DLEU7: variants seen among roughly 807,000 people sequenced by gnomAD.
DLEU7 encodes the protein deleted in lymphocytic leukemia 7, also known as leukemia-associated protein 7.
DLEU7 carries 17 observed loss-of-function variants against 16.0 expected under a neutral mutation model. That is an observed-to-expected ratio of 1.06 (90% CI 0.73 to 1.59). The LOEUF (loss-of-function observed/expected upper bound fraction) is 1.59. DLEU7 is among the 40% of genes most tolerant of loss of function. DLEU7 has a pLI of 0.00. For missense variants in DLEU7, 308 were observed against 314.9 expected (o/e 0.98, Z 0.17); for synonymous variants, 113 against 139.8 (o/e 0.81, Z 1.35).
At chr13:50,816,993 A>C (rs1876754701) in intron 1 of DLEU7, among the ~76,000 whole-genome samples, 1 of 151,808 alleles carries the variant, frequency 6.6e-6, no homozygotes, top group Non-Finnish European at 1.5e-5. Context: ...TCTTTGCAGA[A>C]CCTCCTCTCT....
At chr13:50,743,046 G>A (rs1416940226) in intron 1 of DLEU7, among the ~76,000 whole-genome samples, 1 of 152,152 alleles carries the variant, frequency 6.6e-6, no homozygotes, top group East Asian at 1.9e-4. Flanking sequence ...TATGTATTGA[G>A]TGATCAGTGC....
intron 1 of DLEU7, among the ~76,000 whole-genome samples, chr13:50,745,063 C>T (rs1437704959): frequency 6.6e-6 from 1 of 152,156 alleles, no homozygotes; most frequent in Non-Finnish European, 1.5e-5. Context: ...AATTTCACTC[C>T]TAGGTGTATA....
intron 1 of DLEU7, among the ~76,000 whole-genome samples, chr13:50,736,537 C>T (rs568525287): frequency 2.6e-5 from 4 of 152,078 alleles, no homozygotes; most frequent in East Asian, 1.9e-4. Context: ...TATTTAAATT[C>T]GTGAAATGTA....
At chr13:50,789,129 G>T (rs1261689157) in intron 1 of DLEU7, among the ~76,000 whole-genome samples, 1 of 151,900 alleles carries the variant, frequency 6.6e-6, no homozygotes, top group African/African-American at 2.4e-5. Flanking sequence ...AACATTGCTA[G>T]AGGGTGCTCA....
At chr13:50,770,530 CAT>C (rs1491383437) in intron 1 of DLEU7, among the ~76,000 whole-genome samples, 3 of 152,150 alleles carry the variant, frequency 2.0e-5, no homozygotes, top group Non-Finnish European at 4.4e-5. Context: ...TTGAGATAAT[CAT>C]GTGGTTTTTG....
At chr13:50,711,426 A>G (rs2137697078), downstream of DLEU7, 1 of 152,338 alleles carries the variant, frequency 6.6e-6, no homozygotes, top group East Asian at 1.9e-4. Context: ...AGATCTACAA[A>G]GGACAGATTT....
chr13:50,783,362 C>A lies in DLEU7; in HGVS notation c.459+59826G>T, dbSNP rs534941497. On this transcript the variant is annotated intron_variant, in intron 1 of 1. Coordinates refer to the DLEU7 transcript ENST00000400393. ...TCCTGGCCTATCATTCAAAGTACCC[C>A]AATAGCTTGATTCTAATCTATATTT... Among the ~76,000 whole-genome samples the A allele has an allele frequency of 1.8e-3, 279 of 152,302 alleles. 1 individual carries two copies. The highest frequency in any genetic ancestry group is 2.2e-3 in the Non-Finnish European group (149 of 68,030).
At chr13:50,804,932 AT>A (rs934433337) in intron 1 of DLEU7, among the ~76,000 whole-genome samples, 90 of 151,870 alleles carry the variant, frequency 5.9e-4, no homozygotes, top group African/African-American at 2.0e-3. Context: ...TTGTTCTAAT[AT>A]TTTTTTTCAG....
chr13:50,829,170 CA>C (rs1160824018), intron 1 of DLEU7, among the ~76,000 whole-genome samples: 3 of 151,980 alleles, frequency 2.0e-5, no homozygotes, highest in Non-Finnish European at 4.4e-5. Flanking sequence ...CCAGGGAAGC[CA>C]AAAAATTGGA....
chr13:50,759,132 G>A (rs1167649400), intron 1 of DLEU7, among the ~76,000 whole-genome samples: 1 of 152,132 alleles, frequency 6.6e-6, no homozygotes, highest in Non-Finnish European at 1.5e-5. Context: ...CTTAGACAGG[G>A]GTTGATTTAT....
chr13:50,752,303 G>A lies in DLEU7; in HGVS notation c.460-39063C>T, dbSNP rs140097821. ...CCTGACCTCGTGATCCACCCATCTC[G>A]GCCTCCCAAAGTGCTGGGATTTCAG... On this transcript the variant is annotated intron_variant, in intron 1 of 1. Coordinates refer to the DLEU7 transcript ENST00000400393. Among the ~76,000 whole-genome samples, 253 of 152,082 alleles carry A rather than the reference G, an allele frequency of 1.7e-3. 2 individuals are homozygous for A. The highest frequency in any genetic ancestry group is 1.8e-3 in the Non-Finnish European group (124 of 67,974).
At chr13:50,764,961 C>A (rs1239694668) in intron 1 of DLEU7, among the ~76,000 whole-genome samples, 2 of 152,164 alleles carry the variant, frequency 1.3e-5, no homozygotes, top group Non-Finnish European at 2.9e-5. Flanking sequence ...CGGCTCACTG[C>A]AACTTCTGCA....
intron 1 of DLEU7, among the ~76,000 whole-genome samples, chr13:50,774,891 T>G (rs9596360): frequency 0.01 from 1,579 of 152,278 alleles, 27 homozygotes; most frequent in African/African-American, 0.035. Context: ...GGAAATGAAT[T>G]TTTTAAAGAT....
intron 1 of DLEU7, chr13:50,840,017 C>G (rs1166227594): frequency 6.6e-6 from 1 of 152,154 alleles, no homozygotes; most frequent in Non-Finnish European, 1.5e-5. Flanking sequence ...GCTATGCTCT[C>G]TCCACTGCAG....
intron 1 of DLEU7, among the ~76,000 whole-genome samples, chr13:50,748,773 A>G (rs890535178): frequency 1.3e-5 from 2 of 152,150 alleles, no homozygotes; most frequent in Non-Finnish European, 2.9e-5. Context: ...AAGAAAAAGA[A>G]GAGAGAATTG....
chr13:50,837,779 G>C (rs1466991554), intron 1 of DLEU7, among the ~76,000 whole-genome samples: 1 of 152,148 alleles, frequency 6.6e-6, no homozygotes, highest in Non-Finnish European at 1.5e-5. Flanking sequence ...ACCGTTAAAA[G>C]GCTGATGCCT....
chr13:50,831,787 C>T (rs948914045), intron 1 of DLEU7, among the ~76,000 whole-genome samples: 1 of 152,154 alleles, frequency 6.6e-6, no homozygotes, highest in Non-Finnish European at 1.5e-5. Flanking sequence ...CTAAGTAACA[C>T]AGCAAGTTAG....
At chr13:50,839,343 T>C (rs1005298451) in intron 1 of DLEU7, among the ~76,000 whole-genome samples, 4 of 152,258 alleles carry the variant, frequency 2.6e-5, no homozygotes, top group Non-Finnish European at 5.9e-5. Flanking sequence ...GATTTAGTAC[T>C]GTTAAGCATT....
intron 1 of DLEU7, among the ~76,000 whole-genome samples, chr13:50,773,828 A>C (rs1875403602): frequency 6.6e-6 from 1 of 152,138 alleles, no homozygotes; most frequent in African/African-American, 2.4e-5. Flanking sequence ...AGGGACATTT[A>C]AGTCTGCAGA....
Sources: allele counts gnomAD v4.1 joint callset (sites outside exome capture counted in the v4.1 genomes callset), GRCh38; gene constraint gnomAD v4.1.1; transcripts MANE v1.5; gene names NCBI Gene and HGNC (gene_info 2026-07-23, HGNC 2026-07-21).